The following PPFIA2 variants were observed in gnomAD, a reference collection of about 807,000 sequenced individuals.
PPFIA2 encodes liprin-alpha-2.
In PPFIA2, 46 loss-of-function variants were observed where a neutral mutation model predicts 175.5. The ratio of observed to expected loss-of-function variants is 0.26; its 90% CI spans 0.21 to 0.34. The LOEUF is 0.34. Ranked by LOEUF, PPFIA2 falls within the 10% of genes least tolerant of loss-of-function variation. PPFIA2 has a pLI of 1.00. For synonymous variants in PPFIA2, 568 were observed against 511.4 expected, an observed-to-expected ratio of 1.11 and a Z score of -1.49; for missense variants, 1,179 against 1,506.1, an observed-to-expected ratio of 0.78 and a Z score of 3.60.
intron 4 of PPFIA2, among the ~76,000 whole-genome samples, chr12:81,570,230 C>G (rs551292024): frequency 1.3e-5 from 2 of 152,094 alleles, no homozygotes; most frequent in African/African-American, 4.8e-5. Context: ...GATAATAGAA[C>G]AAGAGATGCT....
At chr12:81,425,128 T>C (rs576016829) in intron 7 of PPFIA2, among the ~76,000 whole-genome samples, 1 of 152,318 alleles carries the variant, frequency 6.6e-6, no homozygotes, top group Non-Finnish European at 1.5e-5. Flanking sequence ...TAAAGGTGAT[T>C]AGATAATCGC....
intron 5 of PPFIA2, among the ~76,000 whole-genome samples, chr12:81,449,495 A>C (rs1490166809): frequency 6.6e-6 from 1 of 151,908 alleles, no homozygotes; most frequent in Non-Finnish European, 1.5e-5. Flanking sequence ...AGACAAAAAA[A>C]AAAAAACAAA....
intron 3 of PPFIA2, among the ~76,000 whole-genome samples, chr12:81,727,607 T>C (rs1345715663): frequency 6.6e-6 from 1 of 151,364 alleles, no homozygotes. Context: ...AAACAGAATC[T>C]GCATTTTAAC....
At chr12:81,607,917 G>A (rs2060495075) in intron 4 of PPFIA2, among the ~76,000 whole-genome samples, 2 of 152,000 alleles carry the variant, frequency 1.3e-5, no homozygotes, top group South Asian at 2.1e-4. Context: ...TCAGTATGAT[G>A]TTGGTTGTGT....
chr12:81,581,477 T>TG (rs1306748402), intron 4 of PPFIA2, among the ~76,000 whole-genome samples: 1 of 151,792 alleles, frequency 6.6e-6, no homozygotes, highest in Non-Finnish European at 1.5e-5. Flanking sequence ...TCCTCTTCTC[T>TG]GTGAGGCCTC....
intron 3 of PPFIA2, among the ~76,000 whole-genome samples, chr12:81,729,211 A>G (rs2080507959): frequency 6.6e-6 from 1 of 151,556 alleles, no homozygotes; most frequent in Non-Finnish European, 1.5e-5. Context: ...TAGAATGACT[A>G]CATTAGCATT....
At chr12:81,373,163 G>A (rs922655809) in intron 11 of PPFIA2, among the ~76,000 whole-genome samples, 2 of 151,696 alleles carry the variant, frequency 1.3e-5, no homozygotes, top group East Asian at 1.9e-4. Flanking sequence ...TTACTTGGGG[G>A]AAATTGCAGA....
At chr12:81,594,280 T>A (rs551829864) in intron 4 of PPFIA2, among the ~76,000 whole-genome samples, 93 of 152,306 alleles carry the variant, frequency 6.1e-4, no homozygotes, top group African/African-American at 2.2e-3. Context: ...GAGGTTACTA[T>A]GTTTCCAAAC....
intron 3 of PPFIA2, among the ~76,000 whole-genome samples, chr12:81,716,076 T>C (rs966618221): frequency 6.6e-6 from 1 of 151,612 alleles, no homozygotes; most frequent in African/African-American, 2.4e-5. Flanking sequence ...TTAATATTAA[T>C]AGGTAAGATC....
chr12:81,623,230 CG>C (rs967038023), intron 4 of PPFIA2, among the ~76,000 whole-genome samples: 1 of 151,984 alleles, frequency 6.6e-6, no homozygotes, highest in Non-Finnish European at 1.5e-5. Flanking sequence ...TAATCTTGTA[CG>C]GTCCCTCAAG....
chr12:81,311,445 T>C (rs1469788195), intron 22 of PPFIA2, among the ~76,000 whole-genome samples: 2 of 152,002 alleles, frequency 1.3e-5, no homozygotes, highest in East Asian at 1.9e-4. Context: ...TTAAGAAAGG[T>C]AGAGGCGGCC....
At chr12:81,512,969 C>T (rs1413321518) in intron 4 of PPFIA2, among the ~76,000 whole-genome samples, 1 of 151,980 alleles carries the variant, frequency 6.6e-6, no homozygotes, top group Non-Finnish European at 1.5e-5. Context: ...AGACAACCCA[C>T]TGGGTAGGAG....
intron 4 of PPFIA2, among the ~76,000 whole-genome samples, chr12:81,592,669 C>T (rs780835720): frequency 3.3e-5 from 5 of 152,114 alleles, no homozygotes; most frequent in East Asian, 1.9e-4. Flanking sequence ...TGCCTTCCAC[C>T]GTGATTGTGA....
At chr12:81,692,674 A>T (rs2075394272) in intron 3 of PPFIA2, among the ~76,000 whole-genome samples, 1 of 152,134 alleles carries the variant, frequency 6.6e-6, no homozygotes, top group South Asian at 2.1e-4. Flanking sequence ...TGTTAGAAAA[A>T]CAATAATAAA....
intron 4 of PPFIA2, among the ~76,000 whole-genome samples, chr12:81,474,310 C>A (rs976347790): frequency 2.6e-5 from 4 of 152,124 alleles, no homozygotes; most frequent in Non-Finnish European, 4.4e-5. Context: ...GCATCTACCG[C>A]CAAGCACAGC....
chr12:81,614,482 T>C (rs2061248115), intron 4 of PPFIA2, among the ~76,000 whole-genome samples: 1 of 152,106 alleles, frequency 6.6e-6, no homozygotes, highest in East Asian at 1.9e-4. Context: ...GGACATTACA[T>C]TCAAAATCCC....
At chr12:81,662,138 A>G (rs1206401262) in intron 4 of PPFIA2, among the ~76,000 whole-genome samples, 2 of 152,174 alleles carry the variant, frequency 1.3e-5, no homozygotes, top group South Asian at 2.1e-4. Context: ...CAATTAAAAG[A>G]ACTAGAGAAG....
intron 4 of PPFIA2, chr12:81,472,960 C>T (rs188702220): frequency 6.6e-6 from 1 of 152,288 alleles, no homozygotes; most frequent in African/African-American, 2.4e-5. Flanking sequence ...AAATTACTCA[C>T]ATATTATCTT....
chr12:81,756,048 T>C (rs1054977057), intron 2 of PPFIA2, among the ~76,000 whole-genome samples: 1 of 152,148 alleles, frequency 6.6e-6, no homozygotes, highest in African/African-American at 2.4e-5. Context: ...CAAAAAGTGT[T>C]CCAACACATT....
Sources: allele counts gnomAD v4.1 joint callset (sites outside exome capture counted in the v4.1 genomes callset), GRCh38; gene constraint gnomAD v4.1.1; transcripts MANE v1.5; gene names NCBI Gene and HGNC (gene_info 2026-07-23, HGNC 2026-07-21).